TFAP2A: variants seen among roughly 807,000 people sequenced by gnomAD.
TFAP2A encodes the protein transcription factor AP-2 alpha.
In TFAP2A, 7 loss-of-function variants were observed where a neutral mutation model predicts 41.5. The observed-to-expected ratio is 0.17, with a 90% CI of 0.10 to 0.32. The LOEUF (loss-of-function observed/expected upper bound fraction) is 0.32, where lower values mean the gene tolerates loss of function less well. TFAP2A is among the 10% of genes least tolerant of loss of function. The probability of loss-of-function intolerance (pLI) is 1.00; values close to 1 mark genes in which losing one functional copy is unlikely to be tolerated. For missense variants in TFAP2A, 416 were observed against 563.3 expected (o/e 0.74, Z 2.65); for synonymous variants, 247 against 242.8 (o/e 1.02, Z -0.16).
rs1554110541 is a variant in TFAP2A at position 10,398,080 on chromosome 6, G to GC, written c.*336_*337insG. 2 of 1,166,608 alleles carry GC rather than the reference G, an allele frequency of 1.7e-6. No individual in the cohort carries two copies. Among genetic ancestry groups the GC allele is most frequent in the Non-Finnish European group, 2.1e-6 (2 of 952,564 alleles). The allele number at this position is 1,166,608 out of a possible 1,614,324, so 72.3% of individuals were successfully genotyped here. ...GTTGCTGTTGTTGATTTGTTGTTTT[G>GC]TTTAAAAAAAAAAGGGTTCACAAAC... On this transcript the variant is annotated 3_prime_UTR_variant, in exon 7 of 7. Transcript: ENST00000379613. This position sits in a 1 kb window ranked among gnomAD's most constrained non-coding sequence, Gnocchi z 5.3.
At chr6:10,406,339 C>A (rs1226658590) in intron 3 of TFAP2A, 1 of 171,616 alleles carries the variant, frequency 5.8e-6, no homozygotes, top group Non-Finnish European at 1.2e-5. Flanking sequence ...AAACAGCTAA[C>A]AAGAAACTAA....
chr6:10,405,380 C>T (rs943392524), intron 3 of TFAP2A: 2 of 152,144 alleles, frequency 1.3e-5, no homozygotes, highest in African/African-American at 4.8e-5. Flanking sequence ...GAAAACGTCT[C>T]AGTTTTGGAG....
At chr6:10,404,913 A>G (rs1168363099) in intron 3 of TFAP2A, 174 bp from the exon 4 acceptor site, 5 of 649,512 alleles carry the variant, frequency 7.7e-6, no homozygotes, top group Non-Finnish European at 1.3e-5. Context: ...CTCGGGCTCG[A>G]GCCCTTCCCT....
chr6:10,409,394 TAGGG>T (rs1292667478), intron 2 of TFAP2A: 1 of 165,788 alleles, frequency 6.0e-6, no homozygotes, highest in Non-Finnish European at 1.3e-5. Context: ...TTAATCAGGA[TAGGG>T]TGTACACATA....
intron 5 of TFAP2A, chr6:10,400,866 A>G (rs923981018): frequency 3.2e-6 from 2 of 623,808 alleles, no homozygotes; most frequent in Admixed American, 2.1e-5. Flanking sequence ...CCTAAATGAC[A>G]CTTCTCCAAA....
chr6:10,419,358 G>GCCCCCCCCCCCACTCCC, upstream of TFAP2A: 2 of 1,573,958 alleles, frequency 1.3e-6, no homozygotes, highest in African/African-American at 1.3e-5. Context: ...CCCCGCTCCG[G>GCCCCCCCCCCCACTCCC]CCCCCTCCCC....
intron 2 of TFAP2A, chr6:10,407,619 G>A (rs1757781386): frequency 6.6e-6 from 1 of 150,622 alleles, no homozygotes; most frequent in South Asian, 2.1e-4. Context: ...GCAATATAAT[G>A]TCTGGCTGTG....
intron 1 of TFAP2A, among the ~76,000 whole-genome samples, chr6:10,411,174 G>A (rs2113209561): frequency 6.6e-6 from 1 of 152,002 alleles, no homozygotes; most frequent in East Asian, 1.9e-4. Context: ...CGAACCCTCG[G>A]CGGTTCGGCC....
intron 2 of TFAP2A, chr6:10,407,352 C>T (rs1757764107): frequency 1.3e-5 from 2 of 155,080 alleles, no homozygotes; most frequent in Admixed American, 6.4e-5. Flanking sequence ...TTATGGAAAA[C>T]TCCACATAAA....
chr6:10,401,893 G>A (rs45530235), intron 5 of TFAP2A: 21,330 of 213,122 alleles, frequency 0.1, 1,232 homozygotes, highest in Middle Eastern at 0.19. Context: ...AAGGGTGTAT[G>A]TATGTTTAAA....
chr6:10,401,941 C>G, intron 5 of TFAP2A: 1 of 240,624 alleles, frequency 4.2e-6, no homozygotes, highest in Non-Finnish European at 8.2e-6. Context: ...TTATATTTAT[C>G]TTTCCATATC....
intron 4 of TFAP2A, among the ~76,000 whole-genome samples, chr6:10,404,154 A>G (rs1249239638): frequency 6.6e-6 from 1 of 152,196 alleles, no homozygotes; most frequent in African/African-American, 2.4e-5. Context: ...AGGTGGCTGT[A>G]CGGCGCCCCG....
Position 10,398,018 on chromosome 6 carries a change from T to C in TFAP2A, c.*399A>G. ...CATATAATTTTTTTTATTTTCACTT[T>C]TTTTTTAGAAAAAAGTTTTTAATTT... On this transcript the variant is annotated 3_prime_UTR_variant, in exon 7 of 7. Transcript: ENST00000379613. The surrounding 1 kb of genome is among the most constrained non-coding windows in gnomAD (Gnocchi z 5.3). The C allele has an allele frequency of 9.3e-7, 1 of 1,072,552 alleles. No individual in the cohort carries two copies. The highest frequency in any genetic ancestry group is 3.1e-5 in the South Asian group (1 of 31,758). 66.4% of individuals were successfully genotyped at this position (1,072,552 alleles called of 1,614,324 possible). A position where few individuals can be genotyped will look rare whatever the true frequency, so the allele number is the denominator to read the frequency against.
chr6:10,404,243 G>A (rs1049839552), intron 4 of TFAP2A, among the ~76,000 whole-genome samples: 2 of 152,220 alleles, frequency 1.3e-5, no homozygotes, highest in Non-Finnish European at 1.5e-5. Flanking sequence ...GGAGGACTCC[G>A]CGAGCGCGCG....
At chr6:10,402,637 G>T (rs774331400) in intron 4 of TFAP2A, 27 bp from the exon 5 acceptor site, 3 of 1,535,184 alleles carry the variant, frequency 2.0e-6, no homozygotes, top group Non-Finnish European at 2.7e-6. Context: ...TGCGAGAAAG[G>T]GATTTAGAAA....
rs780627912 is a variant in TFAP2A at position 10,407,211 on chromosome 6, CT to C, written c.487-368del. 37 of 285,534 alleles carry C rather than the reference CT, an allele frequency of 1.3e-4. No homozygotes were observed. In the Middle Eastern group the frequency reaches 3.5e-3, roughly 27 times the overall value. 17.7% of individuals were successfully genotyped at this position (285,534 alleles called of 1,614,324 possible). ...AGATTGGCGCCTCAGCGGCTTCTGA[CT>C]TTAGCAATTCCAGTGTTCAGGCAGC... is the stretch of plus-strand genomic sequence containing the variant. On this transcript the variant is annotated intron_variant, in intron 2 of 6. Coordinates refer to ENST00000379613, the MANE Select transcript of TFAP2A (RefSeq NM_001372066.1).
At chr6:10,416,067 C>G (rs1758229771), upstream of TFAP2A, 1 of 152,224 alleles carries the variant, frequency 6.6e-6, no homozygotes, top group South Asian at 2.1e-4. Flanking sequence ...TCCTATGGAA[C>G]TGCACACCCG....
chr6:10,415,130 G>T, upstream of TFAP2A: 1 of 1,565,438 alleles, frequency 6.4e-7, no homozygotes, highest in Admixed American at 1.9e-5. Flanking sequence ...AGGAGAAGGA[G>T]GAGGGAGAGG....
intron 1 of TFAP2A, chr6:10,412,243 C>T: frequency 2.0e-6 from 2 of 986,082 alleles, no homozygotes; most frequent in Non-Finnish European, 2.4e-6. Context: ...GGCCGCGGCG[C>T]GGCGTCTGGC....
Sources: gnomAD v4.1 joint callset for allele counts (sites outside exome capture counted in the v4.1 genomes callset) on GRCh38, gnomAD v4.1.1 for gene constraint, Gnocchi (gnomAD v3.1) non-coding constraint, MANE v1.5 for transcripts, NCBI Gene and HGNC (gene_info 2026-07-23, HGNC 2026-07-21) for gene names.